KCNIP3: variants seen among roughly 807,000 people sequenced by gnomAD.
KCNIP3 encodes calsenilin.
In KCNIP3, 28 loss-of-function variants were observed where a neutral mutation model predicts 35.0. That is an observed-to-expected ratio of 0.80 (90% CI 0.59 to 1.10). The LOEUF (loss-of-function observed/expected upper bound fraction) is 1.10. Ranked by LOEUF, KCNIP3 falls within the 50% of genes least tolerant of loss-of-function variation. The probability of loss-of-function intolerance (pLI) is 0.00; values close to 1 mark genes in which losing one functional copy is unlikely to be tolerated. For synonymous variants in KCNIP3, 134 were observed against 133.8 expected (o/e 1.00, Z -0.01); for missense variants, 295 against 338.4 (o/e 0.87, Z 1.01).
At chr2:95,362,535 C>T (rs1043669008) in intron 2 of KCNIP3, among the ~76,000 whole-genome samples, 7 of 152,178 alleles carry the variant, frequency 4.6e-5, no homozygotes, top group South Asian at 4.1e-4. Context: ...AAGACTTCAA[C>T]GATGAAGTTG....
At position 95,324,381 on chromosome 2, in the gene KCNIP3, GC is replaced by G. The variant is rs534845145; in HGVS notation, c.181+13862del. Among the ~76,000 whole-genome samples, 902 of 152,024 alleles carry G rather than the reference GC, an allele frequency of 5.9e-3. 9 individuals are homozygous for G. Among genetic ancestry groups the G allele is most frequent in the Middle Eastern group, 0.031 (9 of 292 alleles). On this transcript the variant is annotated intron_variant, in intron 2 of 8. Transcript: ENST00000295225. ...CCAAAAAAATTAGCTGGGCGTGGTG[GC>G]GGGCGCCTGTAGTCACAGCTACTCC...
chr2:95,383,121 C>CCCAACCCCCCCCCCCCCCAA, intron 7 of KCNIP3, 111 bp from the exon 8 acceptor site: 1 of 411,650 alleles, frequency 2.4e-6, no homozygotes, highest in Non-Finnish European at 4.6e-6. Flanking sequence ...GCCCACCCGC[C>CCCAACCCCCCCCCCCCCCAA]CATCCACCCA....
chr2:95,310,115 C>A (rs1386754442), intron 1 of KCNIP3: 1 of 651,082 alleles, frequency 1.5e-6, no homozygotes, highest in Non-Finnish European at 2.8e-6. Context: ...CTCTGCACCC[C>A]TGTCTGCCCC....
At chr2:95,306,988 G>T (rs1487733754) in intron 1 of KCNIP3, among the ~76,000 whole-genome samples, 1 of 152,220 alleles carries the variant, frequency 6.6e-6, no homozygotes, top group Non-Finnish European at 1.5e-5. Context: ...GGCCCAGGCC[G>T]CAGCCTGATG....
chr2:95,384,055 G>C lies in KCNIP3; in HGVS notation c.*6G>C. ...TGTTTGAGAATGTCATCTAGGACAC[G>C]TCCAAAGGAGTGCATGGCCACAGCC... On this transcript the variant is annotated 3_prime_UTR_variant, in exon 9 of 9. Coordinates refer to ENST00000295225, the MANE Select transcript of KCNIP3 (RefSeq NM_013434.5). 6.2e-7 allele frequency: 1 copy of C among 1,613,506 alleles called. No individual in the cohort carries two copies. The highest frequency in any genetic ancestry group is 8.5e-7 in the Non-Finnish European group (1 of 1,179,628).
chr2:95,299,696 G>A (rs1482690972), intron 1 of KCNIP3, among the ~76,000 whole-genome samples: 3 of 152,356 alleles, frequency 2.0e-5, no homozygotes, highest in Admixed American at 6.5e-5. Flanking sequence ...AGCTCAGCCC[G>A]TGCACTGGGA....
chr2:95,366,461 GT>G lies in KCNIP3; in HGVS notation c.182-7832del, dbSNP rs368623683. On this transcript the variant is annotated intron_variant, in intron 2 of 8. Coordinates refer to ENST00000295225, the MANE Select transcript of KCNIP3 (RefSeq NM_013434.5). Reference sequence around the variant, plus strand: ...CAGTTGGAGGGCATTTGTATATACAGTTTGGGGCAATTTTGAATAAAATTGC... The same window carrying G: ...CAGTTGGAGGGCATTTGTATATACAGTTGGGGCAATTTTGAATAAAATTGC... 4.6e-4 allele frequency among the ~76,000 whole-genome samples: 70 copies of G among 152,296 alleles called. No individual in the cohort carries two copies. The East Asian group carries it at 7.1e-3, about 16-fold the overall frequency.
intron 2 of KCNIP3, among the ~76,000 whole-genome samples, chr2:95,326,282 CAT>C (rs1350111612): frequency 2.0e-5 from 3 of 151,858 alleles, no homozygotes; most frequent in East Asian, 1.9e-4. Context: ...ACTCACTACA[CAT>C]ACACACTCAT....
intron 2 of KCNIP3, among the ~76,000 whole-genome samples, chr2:95,323,207 G>A (rs898790360): frequency 2.0e-5 from 3 of 152,358 alleles, no homozygotes; most frequent in East Asian, 1.9e-4. Flanking sequence ...GCACAGGGCC[G>A]TTTGGCCCCA....
At chr2:95,370,969 A>T (rs1183280014) in intron 2 of KCNIP3, among the ~76,000 whole-genome samples, 1 of 151,746 alleles carries the variant, frequency 6.6e-6, no homozygotes, top group African/African-American at 2.4e-5. Context: ...GGGTTTCGCC[A>T]TGTTGGCCAG....
At chr2:95,314,221 C>A (rs1185398361) in intron 2 of KCNIP3, among the ~76,000 whole-genome samples, 1 of 152,092 alleles carries the variant, frequency 6.6e-6, no homozygotes, top group Non-Finnish European at 1.5e-5. Context: ...ACGTAAAGAT[C>A]TATAAACAGA....
chr2:95,382,235 A>G lies in KCNIP3; in HGVS notation c.556-142A>G. The stretch of plus-strand genomic sequence containing the variant: ...CTCGCTCTGGGTGCCCTGGAAGCGG[A>G]CAGGCTTCTCTCTCCAGCTCGTCCG... On this transcript the variant is annotated intron_variant, in intron 6 of 8. Transcript: ENST00000295225. The surrounding 1 kb of genome is among the most constrained non-coding windows in gnomAD (Gnocchi z 4.5). 2.0e-6 allele frequency: 1 copy of G among 489,400 alleles called. No individual in the cohort carries two copies. Among genetic ancestry groups the G allele is most frequent in the Non-Finnish European group, 3.6e-6 (1 of 276,022 alleles). 30.3% of individuals were successfully genotyped at this position (489,400 alleles called of 1,614,324 possible). A position where few individuals can be genotyped will look rare whatever the true frequency, so the allele number is the denominator to read the frequency against.
intron 2 of KCNIP3, among the ~76,000 whole-genome samples, chr2:95,318,793 G>C (rs1678520367): frequency 6.6e-6 from 1 of 152,272 alleles, no homozygotes; most frequent in Non-Finnish European, 1.5e-5. Context: ...AGTGCTGTGG[G>C]GACGCGGAGG....
chr2:95,373,595 TG>T (rs1411531953), intron 2 of KCNIP3, among the ~76,000 whole-genome samples: 1 of 152,096 alleles, frequency 6.6e-6, no homozygotes, highest in Non-Finnish European at 1.5e-5. Context: ...GCTAATTTTT[TG>T]TATTTTTATT....
At chr2:95,336,519 C>T (rs1377376840) in intron 2 of KCNIP3, among the ~76,000 whole-genome samples, 3 of 152,192 alleles carry the variant, frequency 2.0e-5, no homozygotes, top group Non-Finnish European at 2.9e-5. Context: ...ACTTAAACAT[C>T]TGAGTCATCT....
intron 2 of KCNIP3, among the ~76,000 whole-genome samples, chr2:95,326,165 A>G (rs546459645): frequency 1.3e-5 from 2 of 151,928 alleles, no homozygotes; most frequent in Admixed American, 1.3e-4. Flanking sequence ...ATACGCACTC[A>G]TATACACATA....
intron 2 of KCNIP3, among the ~76,000 whole-genome samples, chr2:95,329,308 T>C (rs1290269280): frequency 6.6e-6 from 1 of 152,226 alleles, no homozygotes; most frequent in African/African-American, 2.4e-5. Context: ...AAGCTGATCC[T>C]GTACTTCGAC....
At chr2:95,373,046 T>C (rs1256581534) in intron 2 of KCNIP3, among the ~76,000 whole-genome samples, 3 of 152,142 alleles carry the variant, frequency 2.0e-5, no homozygotes, top group Non-Finnish European at 4.4e-5. Flanking sequence ...GCAGGACAGC[T>C]GCCCCTGAAG....
chr2:95,383,940 C>T, intron 8 of KCNIP3, 62 bp from the exon 9 acceptor site: 4 of 1,456,196 alleles, frequency 2.7e-6, no homozygotes, highest in Non-Finnish European at 3.9e-6. Context: ...GGAATCTGCT[C>T]AAGGGGGTCG....
Sources: allele counts gnomAD v4.1 joint callset (sites outside exome capture counted in the v4.1 genomes callset), GRCh38; gene constraint gnomAD v4.1.1; non-coding constraint Gnocchi (gnomAD v3.1); transcripts MANE v1.5; gene names NCBI Gene and HGNC (gene_info 2026-07-23, HGNC 2026-07-21).